ERG: variants seen among roughly 807,000 people sequenced by gnomAD.
ERG encodes the protein transcriptional regulator ERG.
Under a neutral mutation model 55.3 loss-of-function variants are expected in ERG, and 9 were observed. That is an observed-to-expected ratio of 0.16 (90% CI 0.10 to 0.28). The LOEUF (loss-of-function observed/expected upper bound fraction) is 0.28, where lower values mean the gene tolerates loss of function less well. Among genes scored for constraint, ERG ranks in the 10% least tolerant of loss-of-function variants. ERG has a pLI of 1.00. For synonymous variants in ERG, 223 were observed against 237.3 expected (o/e 0.94, Z 0.55); for missense variants, 434 against 631.6 (o/e 0.69, Z 3.35).
intron 1 of ERG, among the ~76,000 whole-genome samples, chr21:38,628,068 C>T (rs987492630): frequency 4.6e-5 from 7 of 151,840 alleles, no homozygotes; most frequent in African/African-American, 1.7e-4. Flanking sequence ...CCCACCTCAG[C>T]CTCCTGAGTA....
chr21:38,545,332 C>T (rs1327081006), intron 2 of ERG, among the ~76,000 whole-genome samples: 9 of 152,176 alleles, frequency 5.9e-5, no homozygotes, highest in Admixed American at 1.3e-4. Context: ...CCTGTATTCT[C>T]CCCCTTCACT....
chr21:38,553,983 A>C (rs531900775), intron 2 of ERG, among the ~76,000 whole-genome samples: 1 of 147,344 alleles, frequency 6.8e-6, no homozygotes, highest in South Asian at 2.2e-4. Context: ...AAGCAAATTA[A>C]CAAGCAAAAA....
chr21:38,481,278 A>G (rs149398019), intron 1 of ERG, among the ~76,000 whole-genome samples: 262 of 152,364 alleles, frequency 1.7e-3, no homozygotes, highest in African/African-American at 6.1e-3. Context: ...ACTCAGGGAA[A>G]GATTTCAATA....
intron 1 of ERG, among the ~76,000 whole-genome samples, chr21:38,580,623 G>T (rs969859042): frequency 4.6e-5 from 7 of 151,206 alleles, no homozygotes; most frequent in African/African-American, 1.2e-4. Context: ...TTTTATTATT[G>T]GGTATCTTAA....
At chr21:38,452,667 C>T (rs1601423232) in intron 1 of ERG, among the ~76,000 whole-genome samples, 1 of 152,304 alleles carries the variant, frequency 6.6e-6, no homozygotes, top group East Asian at 1.9e-4. Flanking sequence ...CTGCTCCTTC[C>T]TCTCTCATCC....
At chr21:38,581,839 C>T (rs570278522) in intron 1 of ERG, among the ~76,000 whole-genome samples, 2 of 152,012 alleles carry the variant, frequency 1.3e-5, no homozygotes, top group Non-Finnish European at 2.9e-5. Context: ...GTCAGGAGAT[C>T]GAGACCATCC....
the ERG span, among the ~76,000 whole-genome samples, chr21:38,374,767 C>T: frequency 3.9e-5 from 6 of 152,166 alleles, no homozygotes; most frequent in African/African-American, 1.2e-4. Flanking sequence ...AAGCCCCACT[C>T]CTCAGTATTT....
chr21:38,630,866 G>C (rs1489395068), intron 1 of ERG, among the ~76,000 whole-genome samples: 1 of 152,212 alleles, frequency 6.6e-6, no homozygotes, highest in Non-Finnish European at 1.5e-5. Context: ...TCATAGGGAT[G>C]TGAGCTACAT....
At chr21:38,548,440 T>C (rs978166554) in intron 2 of ERG, among the ~76,000 whole-genome samples, 92 of 151,438 alleles carry the variant, frequency 6.1e-4, no homozygotes, top group Admixed American at 3.3e-3. Context: ...ACAGAGACCA[T>C]TATCATATGA....
At chr21:38,389,725 CA>C (rs762151766) in intron 9 of ERG, among the ~76,000 whole-genome samples, 36 of 151,446 alleles carry the variant, frequency 2.4e-4, no homozygotes, top group South Asian at 6.3e-4. Flanking sequence ...CTCCACGGAC[CA>C]AAAGCACCCT....
At chr21:38,506,118 T>C (rs1209786439) in intron 2 of ERG, among the ~76,000 whole-genome samples, 2 of 152,088 alleles carry the variant, frequency 1.3e-5, no homozygotes, top group Non-Finnish European at 2.9e-5. Flanking sequence ...GAATATAAGA[T>C]TAAAGGCATA....
At chr21:38,400,207 G>C (rs188208471) in intron 6 of ERG, 4 of 430,760 alleles carry the variant, frequency 9.3e-6, no homozygotes, top group Non-Finnish European at 1.8e-5. Context: ...ACTGATAATC[G>C]GTCACTGTGA....
chr21:38,419,323 T>C (rs1306244120), intron 3 of ERG, among the ~76,000 whole-genome samples: 1 of 152,216 alleles, frequency 6.6e-6, no homozygotes, highest in Non-Finnish European at 1.5e-5. Context: ...CTTATCTTCC[T>C]TAGGACAAAC....
chr21:38,424,181 G>GCGCTCT lies in ERG; in HGVS notation c.237-621_237-620insAGAGCG, dbSNP rs1555896858. Among the ~76,000 whole-genome samples the GCGCTCT allele has an allele frequency of 6.8e-3, 596 of 88,024 alleles. 18 individuals carry two copies. Among genetic ancestry groups the GCGCTCT allele is most frequent in the East Asian group, 0.04 (57 of 1,426 alleles). The allele number at this position is 88,024 out of a possible 152,430, so 57.7% of individuals were successfully genotyped here. On this transcript the variant is annotated intron_variant, in intron 2 of 9. Coordinates refer to ENST00000288319, the MANE Select transcript of ERG (RefSeq NM_182918.4). The stretch of plus-strand genomic sequence containing the variant: ...CTTATTAGAAAAGAAAGAGACCAGA[G>GCGCTCT]CTCGAGCTCTCTCTCTCTCTCTCTC...
intron 3 of ERG, among the ~76,000 whole-genome samples, chr21:38,408,685 C>T (rs1988895432): frequency 6.6e-6 from 1 of 152,208 alleles, no homozygotes; most frequent in Non-Finnish European, 1.5e-5. Context: ...CTCCTCCACA[C>T]TCCATGGTAT....
At chr21:38,569,075 C>T (rs1237210386) in intron 2 of ERG, among the ~76,000 whole-genome samples, 1 of 152,244 alleles carries the variant, frequency 6.6e-6, no homozygotes, top group South Asian at 2.1e-4. Flanking sequence ...TCCCCTGTCC[C>T]TCTCTAGCAG....
At chr21:38,461,339 C>G (rs569755445) in intron 1 of ERG, among the ~76,000 whole-genome samples, 1 of 152,164 alleles carries the variant, frequency 6.6e-6, no homozygotes, top group Non-Finnish European at 1.5e-5. Flanking sequence ...TTAAGGACCA[C>G]CCTAAGGGCC....
chr21:38,577,783 G>A (rs1040447009), intron 1 of ERG, among the ~76,000 whole-genome samples: 5 of 152,188 alleles, frequency 3.3e-5, no homozygotes, highest in African/African-American at 1.2e-4. Context: ...GGGAGCACAT[G>A]GCTATTTCCG....
intron 2 of ERG, among the ~76,000 whole-genome samples, chr21:38,561,206 G>A (rs2059890847): frequency 6.6e-6 from 1 of 152,082 alleles, no homozygotes; most frequent in South Asian, 2.1e-4. Flanking sequence ...AAAGACTGAG[G>A]AACAGGAACA....
Sources: gnomAD v4.1 joint callset for allele counts (sites outside exome capture counted in the v4.1 genomes callset) on GRCh38, gnomAD v4.1.1 for gene constraint, MANE v1.5 for transcripts, NCBI Gene and HGNC (gene_info 2026-07-23, HGNC 2026-07-21) for gene names.